Variants in RNF41 observed in about 807,000 individuals in gnomAD.
The protein encoded by RNF41 is ring finger protein 41.
A neutral mutation model predicts 33.0 loss-of-function variants in RNF41; 4 were observed. That is an observed-to-expected ratio of 0.12 (90% CI 0.06 to 0.28). The LOEUF (loss-of-function observed/expected upper bound fraction) is 0.28. RNF41 is among the 10% of genes least tolerant of loss of function. The pLI is 1.00. For synonymous variants in RNF41, 164 were observed against 153.2 expected, an observed-to-expected ratio of 1.07 and a Z score of -0.52; for missense variants, 228 against 432.6, an observed-to-expected ratio of 0.53 and a Z score of 4.19.
chr12:56,215,763 C>CA (rs1161157542), intron 2 of RNF41, among the ~76,000 whole-genome samples: 3 of 148,958 alleles, frequency 2.0e-5, no homozygotes, highest in Non-Finnish European at 4.5e-5. Flanking sequence ...AGCAAGGACT[C>CA]AAACAGCGGC....
At position 56,203,399 on chromosome 12, in the gene RNF41, G is replaced by GTTTTTTTTTTTT; in HGVS notation, c.*3047_*3048insAAAAAAAAAAAA. 2 of 17,868 alleles carry GTTTTTTTTTTTT rather than the reference G, an allele frequency of 1.1e-4. 1 individual carries two copies. Among genetic ancestry groups the GTTTTTTTTTTTT allele is most frequent in the African/African-American group, 1.2e-4 (2 of 16,004 alleles). The allele number at this position is 17,868 out of a possible 1,614,324, so 1.1% of individuals were successfully genotyped here. A position where few individuals can be genotyped will look rare whatever the true frequency, so the allele number is the denominator to read the frequency against. On this transcript the variant is annotated 3_prime_UTR_variant, in exon 7 of 7. Transcript: ENST00000345093. ...GTAGCAGCAAATACTTATGAAGACT[G>GTTTTTTTTTTTT]GTTTTTTTTTTTTTTTTTTTGAGAC...
intron 4 of RNF41, among the ~76,000 whole-genome samples, chr12:56,209,436 G>A (rs542064043): frequency 4.6e-5 from 7 of 151,140 alleles, no homozygotes; most frequent in East Asian, 3.9e-4. Flanking sequence ...GATTACAGGC[G>A]AGCACCACCA....
At chr12:56,209,597 A>G (rs1868352245) in intron 4 of RNF41, among the ~76,000 whole-genome samples, 1 of 152,046 alleles carries the variant, frequency 6.6e-6, no homozygotes, top group Non-Finnish European at 1.5e-5. Flanking sequence ...AGCTGGGACT[A>G]CAGGTGCCTG....
At chr12:56,207,095 A>C (rs1469609542) in intron 6 of RNF41, 2 of 1,336,224 alleles carry the variant, frequency 1.5e-6, no homozygotes, top group African/African-American at 1.5e-5. Context: ...ATGTTTAGTG[A>C]ATAAAACAAT....
Position 56,202,941 on chromosome 12 carries a change from G to A in RNF41, c.*3506C>T, listed in dbSNP as rs1314297721. The A allele has an allele frequency of 1.3e-5, 2 of 152,174 alleles. No homozygotes were observed. Among genetic ancestry groups the A allele is most frequent in the African/African-American group, 4.8e-5 (2 of 41,442 alleles). The allele number at this position is 152,174 out of a possible 1,614,324, so 9.4% of individuals were successfully genotyped here. The stretch of plus-strand genomic sequence containing the variant: ...TTTAAAGGAGTTTAAGGGGGGAAAA[G>A]CACTGCTAATGTCACTAGGATACAT... On this transcript the variant is annotated 3_prime_UTR_variant, in exon 7 of 7. Transcript: ENST00000345093.
chr12:56,217,299 C>A (rs1227612855), intron 1 of RNF41, among the ~76,000 whole-genome samples: 1 of 152,096 alleles, frequency 6.6e-6, no homozygotes, highest in Non-Finnish European at 1.5e-5. Flanking sequence ...GTGATCCCAG[C>A]ACTTTGGGAG....
At chr12:56,219,731 G>C (rs1869206325) in intron 1 of RNF41, among the ~76,000 whole-genome samples, 2 of 151,498 alleles carry the variant, frequency 1.3e-5, no homozygotes, top group African/African-American at 4.8e-5. Flanking sequence ...AATACGAAAG[G>C]AGGCTGGACG....
intron 4 of RNF41, chr12:56,210,085 G>T: frequency 1.7e-6 from 1 of 583,682 alleles, no homozygotes; most frequent in Non-Finnish European, 3.0e-6. Context: ...CTAAATTGCT[G>T]TGCCCCTTCT....
chr12:56,211,849 G>A (rs1284215078), intron 3 of RNF41, among the ~76,000 whole-genome samples: 2 of 152,152 alleles, frequency 1.3e-5, no homozygotes, highest in African/African-American at 2.4e-5. Context: ...GCGGGTGCCT[G>A]TAGTCTCAGC....
chr12:56,217,514 C>A (rs750224515), intron 1 of RNF41, among the ~76,000 whole-genome samples: 3 of 152,050 alleles, frequency 2.0e-5, no homozygotes, highest in Non-Finnish European at 4.4e-5. Flanking sequence ...CGCCACTGCA[C>A]TCCAGCCTAG....
intron 2 of RNF41, 132 bp downstream of exon 2, chr12:56,216,297 G>A (rs1377944382): frequency 2.6e-5 from 4 of 152,104 alleles, no homozygotes; most frequent in Admixed American, 6.6e-5. Flanking sequence ...AGAACAAATG[G>A]TACAGATTAA....
chr12:56,220,742 AAAAC>A (rs1422339100), intron 1 of RNF41, among the ~76,000 whole-genome samples: 1 of 151,982 alleles, frequency 6.6e-6, no homozygotes, highest in Non-Finnish European at 1.5e-5. Context: ...AAAAAAAAAA[AAAAC>A]AAGAATGCAA....
rs1868263479 is a variant in RNF41, at chr12:56,206,284, T to G, written c.*163A>C. Reference sequence around the variant, plus strand: ...AATCTGGGTTTCCCACCTGAAAGGCTGAGCAAACTACCCCAAGGCCCTTCA... The same window carrying G: ...AATCTGGGTTTCCCACCTGAAAGGCGGAGCAAACTACCCCAAGGCCCTTCA... On this transcript the variant is annotated 3_prime_UTR_variant, in exon 7 of 7. Transcript: ENST00000345093. The surrounding 1 kb of genome is among the most constrained non-coding windows in gnomAD (Gnocchi z 5.7). 1 of 661,464 alleles carries G rather than the reference T, an allele frequency of 1.5e-6. No individual in the cohort carries two copies. Among genetic ancestry groups the G allele is most frequent in the African/African-American group, 1.8e-5 (1 of 55,796 alleles). 41.0% of individuals were successfully genotyped at this position (661,464 alleles called of 1,614,324 possible).
chr12:56,212,770 A>C (rs1045449177), intron 3 of RNF41, among the ~76,000 whole-genome samples: 1 of 152,134 alleles, frequency 6.6e-6, no homozygotes, highest in African/African-American at 2.4e-5. Context: ...TGGGAGAAAA[A>C]ATAAAGGCTC....
intron 1 of RNF41, among the ~76,000 whole-genome samples, chr12:56,218,394 C>G (rs1460117743): frequency 6.6e-6 from 1 of 151,706 alleles, no homozygotes; most frequent in Admixed American, 6.6e-5. Flanking sequence ...TCCCAAATAG[C>G]TGGGACCACA....
Position 56,210,463 on chromosome 12 carries a change from G to A in RNF41, c.196C>T (p.Arg66Cys), listed in dbSNP as rs921019616. The part of the protein sequence containing the change: ...DRSVVTVAHL[R>C]PVPRIMRNML... ...TTCCGCATGATCCGAGGTACTGGGC[G>A]CAGATGGGCGACCGTCACAACACTA... The change falls in exon 4 of 7, where the codon CGC (arginine) becomes TGC (cysteine). Residue 66 changes from arginine to cysteine, a missense_variant. Physicochemically the swap from Arg to Cys is radical, Grantham distance 180. Transcript: ENST00000345093. 1.9e-6 allele frequency: 3 copies of A among 1,614,206 alleles called. No homozygotes were observed. The highest frequency in any genetic ancestry group is 2.5e-6 in the Non-Finnish European group (3 of 1,180,032).
Position 56,208,272 on chromosome 12 carries a change from G to T in RNF41, c.389C>A (p.Pro130His). ...CAGGTGCTTAATGCAGTTATGGTTG[G>T]GCAGCTCATCTTTGGGCATCTCCAG... is the stretch of plus-strand genomic sequence containing the variant. The part of the protein sequence containing the change: ...CGLEMPKDEL[P>H]NHNCIKHLRS... The change falls in exon 5 of 7, where the codon CCC becomes CAC. Residue 130 changes from proline (P) to histidine (H), a missense_variant. Around this residue, in one of 2 missense-constraint regions of RNF41, gnomAD observed 199 missense variants for 334.6 expected, o/e 0.59. Coordinates refer to ENST00000345093, the MANE Select transcript of RNF41 (RefSeq NM_005785.4). 1 of 1,614,120 alleles carries T rather than the reference G, an allele frequency of 6.2e-7. No homozygotes were observed. Among genetic ancestry groups the T allele is most frequent in the South Asian group, 1.1e-5 (1 of 91,070 alleles).
In RNF41 at chr12:56,206,456, T is replaced by C. The variant is rs1868266150; in HGVS notation, c.945A>G (p.Glu315=). The C allele has an allele frequency of 6.2e-7, 1 of 1,611,292 alleles. No individual in the cohort carries two copies. The highest frequency in any genetic ancestry group is 8.5e-7 in the Non-Finnish European group (1 of 1,178,108). The part of the protein sequence containing the change: ...GLVMIFAHGV[E]EI Reference sequence around the variant, plus strand: ...AGCCAGTCGAGTTCTCTTATATCTCTTCCACGCCATGCGCAAATATCATGA... The same window carrying C: ...AGCCAGTCGAGTTCTCTTATATCTCCTCCACGCCATGCGCAAATATCATGA... Residue 315 remains glutamate (E), a synonymous_variant, in exon 7 of 7, where the codon GAA becomes GAG. Transcript: ENST00000345093. The surrounding 1 kb of genome is among the most constrained non-coding windows in gnomAD (Gnocchi z 5.7).
At chr12:56,216,904 G>A (rs1868932857) in intron 1 of RNF41, among the ~76,000 whole-genome samples, 1 of 152,170 alleles carries the variant, frequency 6.6e-6, no homozygotes, top group Non-Finnish European at 1.5e-5. Flanking sequence ...TCTTAGGGAG[G>A]CCAAGGCGGG....
Sources: gnomAD v4.1 joint callset for allele counts (sites outside exome capture counted in the v4.1 genomes callset) on GRCh38, gnomAD v4.1.1 for gene constraint, gnomAD v4.1.1 regional missense constraint, Gnocchi (gnomAD v3.1) non-coding constraint, MANE v1.5 for transcripts, NCBI Gene and HGNC (gene_info 2026-07-23, HGNC 2026-07-21) for gene names.